The following SV2C variants were observed in gnomAD, a reference collection of about 807,000 sequenced individuals.
The protein encoded by SV2C is synaptic vesicle glycoprotein 2C, also known as solute carrier family 22 member B3.
Under a neutral mutation model 79.7 loss-of-function variants are expected in SV2C, and 49 were observed. That is an observed-to-expected ratio of 0.61 (90% confidence interval 0.49 to 0.78). The LOEUF (loss-of-function observed/expected upper bound fraction) is 0.78. Ranked by LOEUF, SV2C falls within the 30% of genes least tolerant of loss-of-function variation. SV2C has a pLI of 0.00. For missense variants in SV2C, 833 were observed against 912.9 expected, an observed-to-expected ratio of 0.91 and a Z score of 1.13; for synonymous variants, 334 against 333.2, an observed-to-expected ratio of 1.00 and a Z score of -0.03.
In SV2C at chr5:76,195,074, T is replaced by C. The variant is rs1281763735; in HGVS notation, c.736T>C (p.Phe246Leu). ...SFVQGYGFFLFCRLLSGFGIG... is the reference protein window; with the variant it reads ...SFVQGYGFFLLCRLLSGFGIG... ...TGTCCAAGGTTATGGCTTCTTTCTC[T>C]TCTGTCGCTTACTTTCTGGATTCGG... Residue 246 changes from phenylalanine to leucine, a missense_variant, in exon 3 of 13, where the codon TTC (phenylalanine) becomes CTC (leucine). By Grantham distance (22) the Phe-to-Leu change is conservative. Transcript: ENST00000502798. 1 of 1,613,808 alleles carries C rather than the reference T, an allele frequency of 6.2e-7. No homozygotes were observed. The highest frequency in any genetic ancestry group is 2.2e-5 in the East Asian group (1 of 44,894).
At chr5:76,215,320 G>T (rs998810865) in intron 4 of SV2C, among the ~76,000 whole-genome samples, 1 of 152,072 alleles carries the variant, frequency 6.6e-6, no homozygotes, top group African/African-American at 2.4e-5. Context: ...GGTGGGAGTG[G>T]GGGGATGTGA....
At chr5:76,097,503 C>G (rs1747604909) in intron 1 of SV2C, among the ~76,000 whole-genome samples, 1 of 152,146 alleles carries the variant, frequency 6.6e-6, no homozygotes, top group Non-Finnish European at 1.5e-5. Flanking sequence ...ATATTAGCAT[C>G]CAATGTCTTC....
chr5:76,079,730 TG>T, upstream of SV2C: 1 of 279,804 alleles, frequency 3.6e-6, no homozygotes. Flanking sequence ...CTTCGAATTG[TG>T]GGTATTTTAC....
At chr5:76,052,415 G>T in the SV2C span, among the ~76,000 whole-genome samples, 1 of 152,148 alleles carries the variant, frequency 6.6e-6, no homozygotes, top group African/African-American at 2.4e-5. Flanking sequence ...AATAAAGAAG[G>T]GACTGAAGAA....
At chr5:76,028,842 C>A in the SV2C span, among the ~76,000 whole-genome samples, 1 of 152,156 alleles carries the variant, frequency 6.6e-6, no homozygotes, top group Admixed American at 6.5e-5. Flanking sequence ...GTTGTGACAA[C>A]CAAAAATGTT....
the SV2C span, among the ~76,000 whole-genome samples, chr5:76,054,670 T>C: frequency 1.4e-5 from 2 of 145,882 alleles, no homozygotes; most frequent in Non-Finnish European, 2.9e-5. Flanking sequence ...TTCTTGACTT[T>C]TTAATAATTG....
chr5:75,963,539 A>C, the SV2C span, among the ~76,000 whole-genome samples: 11 of 152,046 alleles, frequency 7.2e-5, no homozygotes, highest in African/African-American at 2.7e-4. Context: ...CTTCTTTTTA[A>C]GTACTCTGGG....
At chr5:75,876,474 G>A in the SV2C span, among the ~76,000 whole-genome samples, 1 of 151,984 alleles carries the variant, frequency 6.6e-6, no homozygotes, top group Non-Finnish European at 1.5e-5. Context: ...TGGGTACTGG[G>A]CTTAATACCT....
rs1748976455 is a variant in SV2C at position 76,325,770 on chromosome 5, C to CA, written c.*226dup. ...TTGTTTGAATGCATTGTTATCTTTC[C>CA]AAACTGTGATGCTACTGCCTCCCGC... On this transcript the variant is annotated 3_prime_UTR_variant, in exon 13 of 13. Coordinates refer to ENST00000502798, the MANE Select transcript of SV2C (RefSeq NM_014979.4). 5.3e-6 allele frequency: 3 copies of CA among 562,208 alleles called. No individual in the cohort carries two copies. The South Asian group carries it at 9.3e-5, about 17-fold the overall frequency. The allele number at this position is 562,208 out of a possible 1,614,324, so 34.8% of individuals were successfully genotyped here. A position where few individuals can be genotyped will look rare whatever the true frequency, so the allele number is the denominator to read the frequency against.
At chr5:76,154,397 C>A (rs1042027267) in intron 2 of SV2C, among the ~76,000 whole-genome samples, 1 of 152,130 alleles carries the variant, frequency 6.6e-6, no homozygotes, top group South Asian at 2.1e-4. Flanking sequence ...TCACTGAGAG[C>A]CACAGATTTA....
intron 12 of SV2C, among the ~76,000 whole-genome samples, chr5:76,322,518 C>G (rs1748864824): frequency 6.6e-6 from 1 of 152,176 alleles, no homozygotes; most frequent in Non-Finnish European, 1.5e-5. Flanking sequence ...ACATTCTTCA[C>G]AGAATTAGAA....
At chr5:76,049,024 A>AAAGAAAGAAAGAAAGAAAGAAAG in the SV2C span, among the ~76,000 whole-genome samples, 2 of 120,520 alleles carry the variant, frequency 1.7e-5, no homozygotes, top group Admixed American at 8.5e-5. Flanking sequence ...AGAAAGAAAG[A>AAAGAAAGAAAGAAAGAAAGAAAG]AAAAGAAAAG....
Position 76,300,869 on chromosome 5 carries a change from G to A in SV2C, c.1777G>A (p.Val593Ile). Reference protein sequence around the residue: ...YFVNFLGTLAVLPGNIVSALL... With the variant: ...YFVNFLGTLAILPGNIVSALL... Reference sequence around the variant, plus strand: ...TGTCAACTTTCTGGGGACATTGGCAGTATTGCCAGGGAACATTGTGTCTGC... The same window carrying A: ...TGTCAACTTTCTGGGGACATTGGCAATATTGCCAGGGAACATTGTGTCTGC... Residue 593 changes from valine (V) to isoleucine (I), a missense_variant, in exon 11 of 13, where the codon GTA (valine) becomes ATA (isoleucine). By Grantham distance (29) the Val-to-Ile change is conservative (BLOSUM62 3). Coordinates refer to ENST00000502798, the MANE Select transcript of SV2C (RefSeq NM_014979.4). The A allele has an allele frequency of 6.2e-7, 1 of 1,614,178 alleles. No individual in the cohort carries two copies. Among genetic ancestry groups the A allele is most frequent in the Non-Finnish European group, 8.5e-7 (1 of 1,180,004 alleles).
At chr5:75,955,014 T>G in the SV2C span, among the ~76,000 whole-genome samples, 1 of 147,316 alleles carries the variant, frequency 6.8e-6, no homozygotes, top group Non-Finnish European at 1.5e-5. Flanking sequence ...AAGCTACCAA[T>G]GACTTTCTTC....
At chr5:76,300,600 T>C (rs1045936705) in intron 10 of SV2C, 129 bp from the exon 11 acceptor site, 3 of 901,786 alleles carry the variant, frequency 3.3e-6, no homozygotes, top group Non-Finnish European at 5.1e-6. Context: ...AAAGTCAAGC[T>C]AGCATAGGCC....
intron 4 of SV2C, among the ~76,000 whole-genome samples, chr5:76,253,181 C>T (rs182897217): frequency 6.6e-5 from 10 of 152,268 alleles, no homozygotes; most frequent in Admixed American, 4.6e-4. Flanking sequence ...TAAAAATGTA[C>T]TGCATTAGGT....
At position 76,330,261 on chromosome 5, in the gene SV2C, A is replaced by G. The variant is rs1163366226; in HGVS notation, c.*4714A>G. On this transcript the variant is annotated 3_prime_UTR_variant, in exon 13 of 13. Coordinates refer to ENST00000502798, the MANE Select transcript of SV2C (RefSeq NM_014979.4). ...TCAGTCTTTCTTAAACAATATCTAA[A>G]TGCAGTTTAGTAATCCCAGGATTTT... is the stretch of plus-strand genomic sequence containing the variant. 6.6e-6 allele frequency: 1 copy of G among 152,158 alleles called. No homozygotes were observed. Among genetic ancestry groups the G allele is most frequent in the Admixed American group, 6.5e-5 (1 of 15,270 alleles). The allele number at this position is 152,158 out of a possible 1,614,324, so 9.4% of individuals were successfully genotyped here.
At chr5:76,161,967 A>G (rs1186714346) in intron 2 of SV2C, among the ~76,000 whole-genome samples, 1 of 152,068 alleles carries the variant, frequency 6.6e-6, no homozygotes, top group African/African-American at 2.4e-5. Flanking sequence ...TTGAAATTAA[A>G]CCTGTTCCTC....
At chr5:76,083,906 C>G (rs916570042) in intron 1 of SV2C, 1 of 152,318 alleles carries the variant, frequency 6.6e-6, no homozygotes, top group African/African-American at 2.4e-5. Flanking sequence ...AGATTCAAAT[C>G]TAGCAGCCTA....
Sources: gnomAD v4.1 joint callset for allele counts (sites outside exome capture counted in the v4.1 genomes callset) on GRCh38, gnomAD v4.1.1 for gene constraint, MANE v1.5 for transcripts, NCBI Gene and HGNC (gene_info 2026-07-23, HGNC 2026-07-21) for gene names.